Variants in MSRA observed in about 807,000 individuals in gnomAD.
MSRA encodes mitochondrial peptide methionine sulfoxide reductase.
In MSRA, 54 loss-of-function variants were observed where a neutral mutation model predicts 31.3. The ratio of observed to expected loss-of-function variants is 1.73; its 90% CI spans 1.39 to 2.17. MSRA has a LOEUF of 2.17. Among genes scored for constraint, MSRA ranks in the 30% most tolerant of loss-of-function variants. The probability of loss-of-function intolerance (pLI) is 0.00; values close to 1 mark genes in which losing one functional copy is unlikely to be tolerated. For missense variants in MSRA, 507 were observed against 300.9 expected, an observed-to-expected ratio of 1.69 and a Z score of -5.07; for synonymous variants, 169 against 116.5, an observed-to-expected ratio of 1.45 and a Z score of -2.90.
chr8:10,199,945 C>A (rs1420688006), intron 1 of MSRA, among the ~76,000 whole-genome samples: 1 of 152,176 alleles, frequency 6.6e-6, no homozygotes, highest in Non-Finnish European at 1.5e-5. Context: ...AAGGACCCGC[C>A]TCTAGGTACC....
At chr8:10,127,581 G>A (rs1009803524) in intron 1 of MSRA, among the ~76,000 whole-genome samples, 1 of 152,172 alleles carries the variant, frequency 6.6e-6, no homozygotes, top group African/African-American at 2.4e-5. Context: ...AGTGGAGGAT[G>A]ATACATTAAT....
chr8:10,425,019 C>G (rs1809053558), intron 5 of MSRA, among the ~76,000 whole-genome samples: 1 of 152,230 alleles, frequency 6.6e-6, no homozygotes, highest in Non-Finnish European at 1.5e-5. Context: ...AGGGGAGTGA[C>G]TTGCAAGTGA....
chr8:10,253,108 C>G (rs1313195463), intron 3 of MSRA, among the ~76,000 whole-genome samples: 2 of 152,166 alleles, frequency 1.3e-5, no homozygotes, highest in Non-Finnish European at 2.9e-5. Flanking sequence ...TGAAGGCTGG[C>G]AAGCAGCAAA....
intron 5 of MSRA, among the ~76,000 whole-genome samples, chr8:10,356,708 G>A (rs1804527551): frequency 1.3e-5 from 2 of 152,060 alleles, no homozygotes; most frequent in Admixed American, 6.6e-5. Flanking sequence ...CTGTAAGAAA[G>A]GAGGCAGTCC....
intron 1 of MSRA, among the ~76,000 whole-genome samples, chr8:10,104,662 T>G (rs189997281): frequency 1.3e-5 from 2 of 152,252 alleles, no homozygotes; most frequent in Non-Finnish European, 2.9e-5. Context: ...GAGAATAGAT[T>G]GTAAATGTTT....
chr8:10,279,214 T>G (rs1007175025), intron 3 of MSRA, among the ~76,000 whole-genome samples: 1 of 152,212 alleles, frequency 6.6e-6, no homozygotes, highest in African/African-American at 2.4e-5. Flanking sequence ...GGGGTGATGA[T>G]TAAAGCGTGC....
chr8:10,373,853 G>T (rs1454204153), intron 5 of MSRA, among the ~76,000 whole-genome samples: 27 of 152,230 alleles, frequency 1.8e-4, no homozygotes, highest in Admixed American at 1.8e-3. Context: ...CTGAGCAGGT[G>T]CAGGAGGTGA....
intron 4 of MSRA, among the ~76,000 whole-genome samples, chr8:10,318,366 C>T (rs1431241576): frequency 1.3e-5 from 2 of 152,130 alleles, no homozygotes; most frequent in Admixed American, 6.5e-5. Context: ...GTGTCAGGCT[C>T]GTGACTACTC....
In MSRA at chr8:10,250,392, T is replaced by C. The variant is rs534755252; in HGVS notation, c.331+5169T>C. 4.1e-5 allele frequency: 29 copies of C among 700,922 alleles called. No homozygotes were observed. In the South Asian group the frequency reaches 4.2e-4, roughly 10 times the overall value. The allele number at this position is 700,922 out of a possible 1,614,324, so 43.4% of individuals were successfully genotyped here. ...AAGAAAACCCAGGATGTTCATTCAC[T>C]GGGTAATATCTTTTCATATTTTGCT... On this transcript the variant is annotated intron_variant, in intron 3 of 5. Transcript: ENST00000317173.
At chr8:10,265,045 C>T (rs1408243198) in intron 3 of MSRA, among the ~76,000 whole-genome samples, 2 of 152,158 alleles carry the variant, frequency 1.3e-5, no homozygotes. Flanking sequence ...GTCTTTAATT[C>T]AGGAAGCAAG....
chr8:10,279,301 G>A (rs578140063), intron 3 of MSRA, among the ~76,000 whole-genome samples: 5 of 152,192 alleles, frequency 3.3e-5, no homozygotes, highest in African/African-American at 7.2e-5. Flanking sequence ...TGACTCTCCA[G>A]ACATATGTAA....
intron 2 of MSRA, among the ~76,000 whole-genome samples, chr8:10,217,633 C>G (rs1463837172): frequency 2.0e-5 from 3 of 152,162 alleles, no homozygotes; most frequent in Admixed American, 6.5e-5. Flanking sequence ...TGTGCCTTGT[C>G]TACATCCCCA....
intron 2 of MSRA, among the ~76,000 whole-genome samples, chr8:10,225,432 G>T (rs1455873371): frequency 1.3e-5 from 2 of 152,214 alleles, no homozygotes; most frequent in Admixed American, 6.5e-5. Context: ...ATTACTTGGG[G>T]CCTAGTCTCA....
intron 3 of MSRA, among the ~76,000 whole-genome samples, chr8:10,299,839 T>G (rs1024521823): frequency 6.6e-6 from 1 of 152,172 alleles, no homozygotes; most frequent in African/African-American, 2.4e-5. Flanking sequence ...ATCAAGAAAT[T>G]TAAAAATGTT....
At chr8:10,096,546 G>C (rs1034338371) in intron 1 of MSRA, among the ~76,000 whole-genome samples, 2 of 152,190 alleles carry the variant, frequency 1.3e-5, no homozygotes, top group Non-Finnish European at 2.9e-5. Flanking sequence ...TGCAATACTT[G>C]GAGAAAAATT....
intron 3 of MSRA, among the ~76,000 whole-genome samples, chr8:10,271,014 A>T (rs1367021629): frequency 1.3e-5 from 2 of 149,622 alleles, no homozygotes; most frequent in Admixed American, 1.3e-4. Context: ...CCTGGTGCAC[A>T]TTTTTGTTCT....
chr8:10,274,055 C>G (rs1036633954), intron 3 of MSRA, among the ~76,000 whole-genome samples: 1 of 152,098 alleles, frequency 6.6e-6, no homozygotes, highest in East Asian at 1.9e-4. Context: ...TGTGTCCCTC[C>G]GGCGCCCTCT....
At chr8:10,145,320 G>T (rs1480643371) in intron 1 of MSRA, among the ~76,000 whole-genome samples, 1 of 152,176 alleles carries the variant, frequency 6.6e-6, no homozygotes, top group African/African-American at 2.4e-5. Flanking sequence ...AAGGCCAACT[G>T]ATAAAGGATG....
intron 1 of MSRA, among the ~76,000 whole-genome samples, chr8:10,167,003 A>G (rs1453759735): frequency 1.3e-5 from 2 of 152,178 alleles, no homozygotes; most frequent in African/African-American, 2.4e-5. Context: ...GGTGACATGG[A>G]GAAGTCAGTT....
Sources: gnomAD v4.1 joint callset for allele counts (sites outside exome capture counted in the v4.1 genomes callset) on GRCh38, gnomAD v4.1.1 for gene constraint, MANE v1.5 for transcripts, NCBI Gene and HGNC (gene_info 2026-07-23, HGNC 2026-07-21) for gene names.